The following CFAP91 variants were observed in gnomAD, a reference collection of about 807,000 sequenced individuals.
CFAP91 encodes the protein cilia- and flagella-associated protein 91.
A neutral mutation model predicts 95.9 loss-of-function variants in CFAP91; 85 were observed. That is an observed-to-expected ratio of 0.89 (90% CI 0.74 to 1.06). The LOEUF is 1.06. CFAP91 is among the 50% of genes least tolerant of loss of function. The probability of loss-of-function intolerance (pLI) is 0.00; values close to 1 mark genes in which losing one functional copy is unlikely to be tolerated. For synonymous variants in CFAP91, 335 were observed against 327.5 expected (o/e 1.02, Z -0.25); for missense variants, 962 against 943.4 (o/e 1.02, Z -0.26).
At position 119,737,481 on chromosome 3, in the gene CFAP91, A is replaced by G. The variant is rs1057354410; in HGVS notation, c.1460A>G (p.Asn487Ser). ...LPTPTLEMTS[N>S]EEEEMEMAVI... ...ACTCCAACCTTGGAAATGACGTCCA[A>G]TGTAAGTTGGAAACTTTTTAGTTGA... Residue 487 changes from asparagine to serine, a missense_variant and splice_region_variant, in exon 11 of 18, where the codon AAT (asparagine) becomes AGT (serine). Coordinates refer to ENST00000273390, the MANE Select transcript of CFAP91 (RefSeq NM_033364.4). 19 of 1,575,024 alleles carry G rather than the reference A, an allele frequency of 1.2e-5. No individual in the cohort carries two copies. The highest frequency in any genetic ancestry group is 2.2e-5 in the East Asian group (1 of 44,648).
At chr3:119,750,503 A>C (rs747783070) in intron 16 of CFAP91, 117 of 173,822 alleles carry the variant, frequency 6.7e-4, no homozygotes, top group Middle Eastern at 5.9e-3. Context: ...TAAGGCTCAA[A>C]GAGAAGTATA....
chr3:119,723,568 T>C (rs1322688860), intron 6 of CFAP91, among the ~76,000 whole-genome samples: 2 of 152,156 alleles, frequency 1.3e-5, no homozygotes, highest in African/African-American at 4.8e-5. Context: ...AAAACAAAGA[T>C]GAGTAAAAAA....
At chr3:119,754,997 T>A (rs2054398676) in intron 17 of CFAP91, among the ~76,000 whole-genome samples, 1 of 152,244 alleles carries the variant, frequency 6.6e-6, no homozygotes, top group Admixed American at 6.5e-5. Flanking sequence ...CCCATTTTTT[T>A]CTTCTGATTT....
Position 119,744,182 on chromosome 3 carries a change from G to T in CFAP91, c.1888G>T (p.Glu630Ter). 2 of 1,612,184 alleles carry T rather than the reference G, an allele frequency of 1.2e-6. No homozygotes were observed. The highest frequency in any genetic ancestry group is 1.1e-5 in the South Asian group (1 of 90,952). The change falls in exon 14 of 18, where the codon GAG becomes TAG. Residue 630 changes from glutamate to a stop codon, truncating the protein, a stop_gained. Coordinates refer to ENST00000273390, the MANE Select transcript of CFAP91 (RefSeq NM_033364.4). LOFTEE classifies it high-confidence loss of function. ...VEKQRLREED[E>*]IFKEVVKVHH... ...AAAACAGCGCCTGCGGGAGGAGGAC[G>T]AGATATTTAAGGAGGCAAGTAGGGG...
chr3:119,718,201 A>G (rs1307266436), intron 6 of CFAP91, among the ~76,000 whole-genome samples: 1 of 152,224 alleles, frequency 6.6e-6, no homozygotes, highest in Non-Finnish European at 1.5e-5. Context: ...AAAAGGACTT[A>G]GGAAGTGCTT....
At chr3:119,717,033 A>G (rs1333358388) in intron 6 of CFAP91, among the ~76,000 whole-genome samples, 2 of 152,260 alleles carry the variant, frequency 1.3e-5, no homozygotes, top group Non-Finnish European at 2.9e-5. Flanking sequence ...TAAAAGCAAG[A>G]AAGAAAATAT....
At chr3:119,751,122 A>G (rs750033292) in intron 17 of CFAP91, 24 bp downstream of exon 17, 4 of 1,576,400 alleles carry the variant, frequency 2.5e-6, no homozygotes, top group African/African-American at 2.7e-5. Context: ...TCCACCAGGA[A>G]AAAAAGCAGA....
chr3:119,763,619 T>C (rs2054577213), intron 17 of CFAP91, among the ~76,000 whole-genome samples: 1 of 145,700 alleles, frequency 6.9e-6, no homozygotes, highest in Non-Finnish European at 1.5e-5. Context: ...TATTCAGCCT[T>C]AAAAAAAAAA....
intron 17 of CFAP91, among the ~76,000 whole-genome samples, chr3:119,751,814 C>G (rs2054330466): frequency 6.6e-6 from 1 of 152,166 alleles, no homozygotes; most frequent in Non-Finnish European, 1.5e-5. Context: ...ACCCCAGGGG[C>G]TGGAATCTCT....
chr3:119,751,233 C>A (rs62264662), intron 17 of CFAP91, 135 bp downstream of exon 17: 2 of 947,950 alleles, frequency 2.1e-6, no homozygotes, highest in Non-Finnish European at 3.1e-6. Flanking sequence ...CTTAAATTGG[C>A]ACATTTCCTC....
intron 6 of CFAP91, among the ~76,000 whole-genome samples, chr3:119,719,513 G>C (rs2053641583): frequency 6.6e-6 from 1 of 152,212 alleles, no homozygotes; most frequent in Admixed American, 6.5e-5. Flanking sequence ...GTCAAGAACT[G>C]ATCCAAGTGC....
At chr3:119,739,872 T>C (rs1265653629) in intron 12 of CFAP91, among the ~76,000 whole-genome samples, 1 of 152,230 alleles carries the variant, frequency 6.6e-6, no homozygotes, top group African/African-American at 2.4e-5. Flanking sequence ...GCAAGTAATC[T>C]GAGTCTGAGG....
rs769625913 is a variant in CFAP91, at chr3:119,715,672, C to G, written c.611C>G (p.Pro204Arg). The change falls in exon 6 of 18, where the codon CCA becomes CGA. Residue 204 changes from proline to arginine, a missense_variant. Physicochemically the swap from Pro to Arg is moderately radical, Grantham distance 103 (BLOSUM62 -2). Transcript: ENST00000273390. ...DYRDADVQTD[P>R]YSAEYVVCQD... ...CGGGATGCTGACGTTCAAACAGATCCATACTCTGCAGAATATGTAGTATGT... is the reference window on the plus strand; with the variant it reads ...CGGGATGCTGACGTTCAAACAGATCGATACTCTGCAGAATATGTAGTATGT... The G allele has an allele frequency of 6.2e-7, 1 of 1,613,840 alleles. No individual in the cohort carries two copies. The highest frequency in any genetic ancestry group is 2.2e-5 in the East Asian group (1 of 44,882).
Position 119,766,647 on chromosome 3 carries a change from G to A in CFAP91, c.*1597G>A, listed in dbSNP as rs919980577. The A allele has an allele frequency of 6.6e-6, 1 of 152,098 alleles. No homozygotes were observed. The highest frequency in any genetic ancestry group is 1.5e-5 in the Non-Finnish European group (1 of 68,036). 9.4% of individuals were successfully genotyped at this position (152,098 alleles called of 1,614,324 possible). On this transcript the variant is annotated 3_prime_UTR_variant, in exon 18 of 18. Transcript: ENST00000273390. ...AAGGGCCAGATGGTAACTACATTAG[G>A]GTTTGCGGGTCTGATGGTCGCCATC... is the stretch of plus-strand genomic sequence containing the variant.
intron 7 of CFAP91, among the ~76,000 whole-genome samples, chr3:119,727,858 G>A (rs9879782): frequency 0.97 from 148,081 of 152,256 alleles, 72,131 homozygotes; most frequent in Middle Eastern, 1. Flanking sequence ...GCAGATAGTA[G>A]TATCAGACAA....
Position 119,703,123 on chromosome 3 carries a change from GAGCCCCAGGCCC to G in CFAP91, c.30_41del (p.Ala12_Gln15del). On this transcript the variant is annotated inframe_deletion, in exon 1 of 18. Coordinates refer to ENST00000273390, the MANE Select transcript of CFAP91 (RefSeq NM_033364.4). ...CATGAGCCACGCAGTAACCATCGAGGAGCCCCAGGCCCAGCCGCAGGTGTCTCAAACTCGGTA... is the reference window on the plus strand; with the variant it reads ...CATGAGCCACGCAGTAACCATCGAGGAGCCGCAGGTGTCTCAAACTCGGTA... 1 of 1,567,702 alleles carries G rather than the reference GAGCCCCAGGCCC, an allele frequency of 6.4e-7. No individual in the cohort carries two copies. Among genetic ancestry groups the G allele is most frequent in the Non-Finnish European group, 8.7e-7 (1 of 1,155,690 alleles).
intron 6 of CFAP91, among the ~76,000 whole-genome samples, chr3:119,722,664 A>T (rs998324981): frequency 6.6e-6 from 1 of 151,952 alleles, no homozygotes; most frequent in Admixed American, 6.6e-5. Flanking sequence ...AATTAAAAAA[A>T]TATATTTTTT....
intron 16 of CFAP91, among the ~76,000 whole-genome samples, chr3:119,749,341 G>A (rs186941836): frequency 6.6e-6 from 1 of 152,240 alleles, no homozygotes; most frequent in Non-Finnish European, 1.5e-5. Flanking sequence ...GGGTAACACA[G>A]GGAGACCCAG....
intron 7 of CFAP91, among the ~76,000 whole-genome samples, chr3:119,727,937 C>T (rs947781111): frequency 5.3e-5 from 8 of 152,016 alleles, no homozygotes; most frequent in African/African-American, 1.2e-4. Context: ...GCACCGTCTC[C>T]TTGCCCATCT....
Sources: allele counts gnomAD v4.1 joint callset (sites outside exome capture counted in the v4.1 genomes callset), GRCh38; gene constraint gnomAD v4.1.1; transcripts MANE v1.5; gene names NCBI Gene and HGNC (gene_info 2026-07-23, HGNC 2026-07-21).